TENM4: variants seen among roughly 807,000 people sequenced by gnomAD.
TENM4 encodes the protein teneurin transmembrane protein 4, also known as teneurin-4.
In TENM4, 82 loss-of-function variants were observed where a neutral mutation model predicts 243.3. The observed-to-expected ratio is 0.34, with a 90% CI of 0.28 to 0.40. The LOEUF is 0.40. Among genes scored for constraint, TENM4 ranks in the 10% least tolerant of loss-of-function variants. The probability of loss-of-function intolerance (pLI) is 1.00; values close to 1 mark genes in which losing one functional copy is unlikely to be tolerated. For missense variants in TENM4, 3,138 were observed against 3,673.3 expected (o/e 0.85, Z 3.77); for synonymous variants, 1,412 against 1,456.3 (o/e 0.97, Z 0.69).
At chr11:78,834,481 T>C (rs1858055598) in intron 12 of TENM4, among the ~76,000 whole-genome samples, 1 of 152,206 alleles carries the variant, frequency 6.6e-6, no homozygotes, top group South Asian at 2.1e-4. Context: ...CTGCTGACTG[T>C]CATCGTAAGG....
chr11:78,733,479 G>A (rs1855715750), intron 20 of TENM4, among the ~76,000 whole-genome samples: 1 of 152,160 alleles, frequency 6.6e-6, no homozygotes, highest in Admixed American at 6.5e-5. Context: ...GATTGTACAG[G>A]CAGAGTCTTC....
intron 15 of TENM4, among the ~76,000 whole-genome samples, chr11:78,800,206 CAAGG>C (rs1857252490): frequency 6.6e-6 from 1 of 152,148 alleles, no homozygotes; most frequent in Non-Finnish European, 1.5e-5. Flanking sequence ...AACTAAAGCA[CAAGG>C]AAGGGGAGAT....
chr11:78,707,928 T>C (rs1859296695), intron 27 of TENM4, among the ~76,000 whole-genome samples: 1 of 152,226 alleles, frequency 6.6e-6, no homozygotes, highest in South Asian at 2.1e-4. Context: ...TCAGCAAGTA[T>C]AGACTGTGCC....
At chr11:79,145,931 T>G (rs972693580) in intron 4 of TENM4, among the ~76,000 whole-genome samples, 2 of 152,140 alleles carry the variant, frequency 1.3e-5, no homozygotes, top group Non-Finnish European at 2.9e-5. Flanking sequence ...ATGAAGTATC[T>G]GAGTCTTTTG....
intron 4 of TENM4, among the ~76,000 whole-genome samples, chr11:79,131,157 A>G (rs1246214869): frequency 1.3e-5 from 2 of 152,212 alleles, no homozygotes; most frequent in Non-Finnish European, 2.9e-5. Context: ...GAACTGAGCC[A>G]TCCAAATACA....
chr11:78,889,727 G>T, intron 9 of TENM4, 58 bp downstream of exon 9: 2 of 1,514,380 alleles, frequency 1.3e-6, no homozygotes, highest in Non-Finnish European at 1.8e-6. Flanking sequence ...CACGTGTCTT[G>T]GTTGCTGCCC....
intron 28 of TENM4, among the ~76,000 whole-genome samples, chr11:78,696,290 G>A (rs773758303): frequency 2.0e-4 from 31 of 151,998 alleles, no homozygotes; most frequent in Non-Finnish European, 4.1e-4. Context: ...CTTGCACATT[G>A]TTCGCCTTTT....
intron 1 of TENM4, among the ~76,000 whole-genome samples, chr11:79,367,675 C>T (rs925228954): frequency 1.1e-4 from 16 of 152,316 alleles, no homozygotes; most frequent in Non-Finnish European, 1.5e-5. Flanking sequence ...AATGTGTCAA[C>T]AACCTGCTGA....
At chr11:79,396,807 A>G (rs1858355050) in intron 1 of TENM4, among the ~76,000 whole-genome samples, 2 of 152,220 alleles carry the variant, frequency 1.3e-5, no homozygotes. Flanking sequence ...TTAGTCTCTC[A>G]GGGGCAGAGA....
At chr11:79,164,957 A>ATATATG (rs1555020448) in intron 3 of TENM4, among the ~76,000 whole-genome samples, 16,394 of 139,646 alleles carry the variant, frequency 0.12, 1,104 homozygotes, top group Non-Finnish European at 0.16. Flanking sequence ...CTATATATAT[A>ATATATG]TGTGTGTGTG....
intron 6 of TENM4, among the ~76,000 whole-genome samples, chr11:79,013,656 C>T (rs1462182776): frequency 2.6e-5 from 4 of 152,214 alleles, no homozygotes; most frequent in African/African-American, 9.7e-5. Context: ...AAATCAGGCT[C>T]ATGGGAAAGA....
intron 6 of TENM4, among the ~76,000 whole-genome samples, chr11:79,025,442 T>C (rs1017370664): frequency 6.6e-6 from 1 of 152,244 alleles, no homozygotes; most frequent in Non-Finnish European, 1.5e-5. Flanking sequence ...TAAACACTTC[T>C]GTAGGACAAG....
intron 14 of TENM4, 121 bp downstream of exon 14, chr11:78,812,001 G>T: frequency 8.0e-7 from 1 of 1,253,504 alleles, no homozygotes; most frequent in Non-Finnish European, 1.1e-6. Flanking sequence ...CTCCTGGCTT[G>T]GGGAGGTGGG....
At position 78,805,277 on chromosome 11, in the gene TENM4, T is replaced by TCCCCACCCACCACACCCCCC; in HGVS notation, c.2179+14_2179+15insGGGGGGTGTGGTGGGTGGGG. The TCCCCACCCACCACACCCCCC allele has an allele frequency of 3.0e-5, 42 of 1,402,534 alleles. No individual in the cohort carries two copies. Among genetic ancestry groups the TCCCCACCCACCACACCCCCC allele is most frequent in the East Asian group, 9.3e-5 (3 of 32,218 alleles). The allele number at this position is 1,402,534 out of a possible 1,614,324, so 86.9% of individuals were successfully genotyped here. A position where few individuals can be genotyped will look rare whatever the true frequency, so the allele number is the denominator to read the frequency against. ...CCCCTCCCTCTACCCATGCTTCTTC[T>TCCCCACCCACCACACCCCCC]CCCCCTGCATTTACCGATAGAACAG... On this transcript the variant is annotated intron_variant, in intron 15 of 33. Coordinates refer to ENST00000278550, the MANE Select transcript of TENM4 (RefSeq NM_001098816.3).
intron 12 of TENM4, among the ~76,000 whole-genome samples, chr11:78,816,636 C>T (rs1857609690): frequency 6.6e-6 from 1 of 152,214 alleles, no homozygotes; most frequent in Non-Finnish European, 1.5e-5. Context: ...AGGGCAGTGA[C>T]TTGCCCGAGG....
intron 2 of TENM4, among the ~76,000 whole-genome samples, chr11:79,278,257 G>A (rs1351705732): frequency 6.6e-6 from 1 of 152,216 alleles, no homozygotes; most frequent in African/African-American, 2.4e-5. Context: ...GCCATTCACT[G>A]AGAAAGGAAT....
At chr11:78,875,227 C>T (rs1859238646) in intron 9 of TENM4, among the ~76,000 whole-genome samples, 1 of 152,084 alleles carries the variant, frequency 6.6e-6, no homozygotes, top group Non-Finnish European at 1.5e-5. Context: ...AAGTTAGTTT[C>T]TTTCATTTTT....
intron 6 of TENM4, among the ~76,000 whole-genome samples, chr11:78,936,982 C>T (rs1396092061): frequency 6.6e-6 from 1 of 152,092 alleles, no homozygotes; most frequent in Admixed American, 6.5e-5. Flanking sequence ...TGAAAAGTGA[C>T]ACTTAAAGAA....
intron 6 of TENM4, among the ~76,000 whole-genome samples, chr11:78,968,671 T>G (rs1857483958): frequency 6.6e-6 from 1 of 152,162 alleles, no homozygotes; most frequent in Admixed American, 6.5e-5. Context: ...TTCACAAGAT[T>G]TTTTCCTTAA....
Sources: allele counts gnomAD v4.1 joint callset (sites outside exome capture counted in the v4.1 genomes callset), GRCh38; gene constraint gnomAD v4.1.1; transcripts MANE v1.5; gene names NCBI Gene and HGNC (gene_info 2026-07-23, HGNC 2026-07-21).